Variants in ZC3H6 observed in about 807,000 individuals in gnomAD.
ZC3H6 encodes the protein zinc finger CCCH-type containing 6.
A neutral mutation model predicts 107.7 loss-of-function variants in ZC3H6; 40 were observed. The ratio of observed to expected loss-of-function variants is 0.37; its 90% CI spans 0.29 to 0.48. The LOEUF (loss-of-function observed/expected upper bound fraction) is 0.48. Ranked by LOEUF, ZC3H6 falls within the 20% of genes least tolerant of loss-of-function variation. The probability of loss-of-function intolerance (pLI) is 0.98; values close to 1 mark genes in which losing one functional copy is unlikely to be tolerated. For synonymous variants in ZC3H6, 493 were observed against 487.9 expected, an observed-to-expected ratio of 1.01 and a Z score of -0.14; for missense variants, 1,267 against 1,410.4, an observed-to-expected ratio of 0.90 and a Z score of 1.63.
intron 3 of ZC3H6, among the ~76,000 whole-genome samples, chr2:112,305,151 A>G (rs553105025): frequency 6.6e-6 from 1 of 152,312 alleles, no homozygotes; most frequent in East Asian, 1.9e-4. Flanking sequence ...AGCAACACTG[A>G]TATGTAGTTA....
rs1308358742 is a variant in ZC3H6 at position 112,334,960 on chromosome 2, T to C, written c.*2472T>C. On this transcript the variant is annotated 3_prime_UTR_variant, in exon 12 of 12. Coordinates refer to ENST00000409871, the MANE Select transcript of ZC3H6 (RefSeq NM_198581.3). ...AGAAATAACTTGAGTCTTAAGAGTA[T>C]GGATAGGCTCATCCAATGAGATGTA... is the stretch of plus-strand genomic sequence containing the variant. The C allele has an allele frequency of 6.6e-6, 1 of 152,604 alleles. No homozygotes were observed. Among genetic ancestry groups the C allele is most frequent in the African/African-American group, 2.4e-5 (1 of 41,442 alleles). 9.5% of individuals were successfully genotyped at this position (152,604 alleles called of 1,614,324 possible). A position where few individuals can be genotyped will look rare whatever the true frequency, so the allele number is the denominator to read the frequency against.
At chr2:112,295,988 AAAAG>A (rs2104702826) in intron 1 of ZC3H6, among the ~76,000 whole-genome samples, 1 of 152,274 alleles carries the variant, frequency 6.6e-6, no homozygotes, top group South Asian at 2.1e-4. Context: ...GAGGCGCAGT[AAAAG>A]AAAGGATAAA....
chr2:112,287,622 A>T (rs1309489757), intron 1 of ZC3H6, among the ~76,000 whole-genome samples: 2 of 152,004 alleles, frequency 1.3e-5, no homozygotes, highest in Non-Finnish European at 2.9e-5. Context: ...TTTTTTTGAG[A>T]TGGAGTCTTG....
rs1010187251 is a variant in ZC3H6 at position 112,324,262 on chromosome 2, A to C, written c.1451A>C (p.Asn484Thr). 6.2e-7 allele frequency: 1 copy of C among 1,613,878 alleles called. No individual in the cohort carries two copies. Among genetic ancestry groups the C allele is most frequent in the Admixed American group, 1.7e-5 (1 of 60,028 alleles). ...SSGSSPGPGP[N>T]MSQGHSSPVM... ...GGGTCAAGTCCAGGTCCTGGACCTA[A>C]CATGTCTCAGGGACACAGTAGTCCT... is the stretch of plus-strand genomic sequence containing the variant. The change falls in exon 10 of 12, where the codon AAC becomes ACC. Residue 484 changes from asparagine to threonine, a missense_variant. Asn to Thr is a moderately conservative substitution (Grantham distance 65). Coordinates refer to ENST00000409871, the MANE Select transcript of ZC3H6 (RefSeq NM_198581.3).
At chr2:112,313,854 A>G (rs1211750361) in intron 5 of ZC3H6, among the ~76,000 whole-genome samples, 1 of 152,132 alleles carries the variant, frequency 6.6e-6, no homozygotes, top group Non-Finnish European at 1.5e-5. Context: ...AGCCAAATCA[A>G]TTCGGGGTAC....
rs554101713 is a variant in ZC3H6 at position 112,291,281 on chromosome 2, T to C, written c.33-8568T>C. On this transcript the variant is annotated intron_variant, in intron 1 of 11. Coordinates refer to ENST00000409871, the MANE Select transcript of ZC3H6 (RefSeq NM_198581.3). ...CAGAGTCTCACTCTGTCGGCCAGGCTGGAGTGCAGTGGCACGATCTCAGTT... is the reference window on the plus strand; with the variant it reads ...CAGAGTCTCACTCTGTCGGCCAGGCCGGAGTGCAGTGGCACGATCTCAGTT... Among the ~76,000 whole-genome samples the C allele has an allele frequency of 3.5e-4, 54 of 152,326 alleles. No individual in the cohort carries two copies. The South Asian group carries it at 0.011, about 30-fold the overall frequency.
chr2:112,296,499 T>A (rs1421013603), intron 1 of ZC3H6, among the ~76,000 whole-genome samples: 8 of 152,220 alleles, frequency 5.3e-5, no homozygotes, highest in African/African-American at 1.9e-4. Flanking sequence ...ATTCTTATAC[T>A]TGTCTTTTGG....
intron 9 of ZC3H6, among the ~76,000 whole-genome samples, chr2:112,323,419 G>A (rs1348092574): frequency 1.3e-5 from 2 of 152,140 alleles, no homozygotes; most frequent in Non-Finnish European, 2.9e-5. Flanking sequence ...AGGAAAGCAA[G>A]GAGGTCTCAG....
intron 1 of ZC3H6, among the ~76,000 whole-genome samples, chr2:112,290,120 AC>A (rs1225543134): frequency 0.013 from 2,032 of 151,060 alleles, no homozygotes; most frequent in African/African-American, 0.046. Flanking sequence ...TAAAAAAAAA[AC>A]AAACCTATAG....
intron 1 of ZC3H6, among the ~76,000 whole-genome samples, chr2:112,293,872 G>T (rs886129184): frequency 2.6e-5 from 4 of 152,168 alleles, no homozygotes; most frequent in African/African-American, 9.7e-5. Context: ...TCCCTCATCC[G>T]CAGGGTAACA....
chr2:112,329,523 G>A (rs1172415885), intron 11 of ZC3H6, among the ~76,000 whole-genome samples: 2 of 152,330 alleles, frequency 1.3e-5, no homozygotes, highest in East Asian at 3.9e-4. Flanking sequence ...CAGATATTGA[G>A]ATCTGAGTAA....
chr2:112,285,190 C>T (rs1484771955), intron 1 of ZC3H6, among the ~76,000 whole-genome samples: 2 of 152,112 alleles, frequency 1.3e-5, no homozygotes, highest in Non-Finnish European at 2.9e-5. Context: ...TTCTTTCGTA[C>T]ATAAATAGCA....
chr2:112,304,082 G>A (rs1676432497), intron 3 of ZC3H6, among the ~76,000 whole-genome samples: 1 of 152,068 alleles, frequency 6.6e-6, no homozygotes, highest in East Asian at 1.9e-4. Context: ...TTTACATAAT[G>A]CCTGAGGGTT....
chr2:112,294,920 A>G (rs914748003), intron 1 of ZC3H6, among the ~76,000 whole-genome samples: 3 of 152,122 alleles, frequency 2.0e-5, no homozygotes, highest in Non-Finnish European at 2.9e-5. Context: ...ATTTTTAACT[A>G]TTTTTTAAAA....
chr2:112,301,374 GC>G, intron 2 of ZC3H6, among the ~76,000 whole-genome samples: 1 of 152,182 alleles, frequency 6.6e-6, no homozygotes, highest in Non-Finnish European at 1.5e-5. Context: ...GGCATATAGG[GC>G]CAAGGAAAGA....
chr2:112,280,343 G>A (rs10175234), intron 1 of ZC3H6, among the ~76,000 whole-genome samples: 99,179 of 152,068 alleles, frequency 0.65, 34,292 homozygotes, highest in African/African-American at 0.9. Flanking sequence ...GTAAAACCTC[G>A]TATCAGGTCT....
intron 4 of ZC3H6, 75 bp downstream of exon 4, chr2:112,310,236 G>A: frequency 7.1e-7 from 1 of 1,405,736 alleles, no homozygotes; most frequent in Non-Finnish European, 9.6e-7. Context: ...TAAAAACTTA[G>A]AAACTTATCC....
At chr2:112,288,900 C>T (rs1431115351) in intron 1 of ZC3H6, among the ~76,000 whole-genome samples, 5 of 152,202 alleles carry the variant, frequency 3.3e-5, no homozygotes, top group Admixed American at 2.6e-4. Context: ...TCCACTCTCT[C>T]TTCTGGATAT....
At chr2:112,309,808 A>G in intron 3 of ZC3H6, 77 bp from the exon 4 acceptor site, 1 of 1,398,322 alleles carries the variant, frequency 7.2e-7, no homozygotes, top group Non-Finnish European at 9.6e-7. Context: ...TGCTGGGGGG[A>G]AAAGGATGTC....
Sources: allele counts gnomAD v4.1 joint callset (sites outside exome capture counted in the v4.1 genomes callset), GRCh38; gene constraint gnomAD v4.1.1; transcripts MANE v1.5; gene names NCBI Gene and HGNC (gene_info 2026-07-23, HGNC 2026-07-21).